The following SYNRG variants were observed in gnomAD, a reference collection of about 807,000 sequenced individuals.
SYNRG encodes AP1 gamma subunit binding protein 1.
A neutral mutation model predicts 130.9 loss-of-function variants in SYNRG; 37 were observed. The observed-to-expected ratio is 0.28, with a 90% CI of 0.22 to 0.37. The LOEUF is 0.37. Among genes scored for constraint, SYNRG ranks in the 10% least tolerant of loss-of-function variants. The probability of loss-of-function intolerance (pLI) is 1.00; values close to 1 mark genes in which losing one functional copy is unlikely to be tolerated. For synonymous variants in SYNRG, 539 were observed against 568.1 expected, an observed-to-expected ratio of 0.95 and a Z score of 0.73; for missense variants, 1,338 against 1,588.9, an observed-to-expected ratio of 0.84 and a Z score of 2.68.
At chr17:37,582,367 C>T (rs1046993989) in intron 6 of SYNRG, among the ~76,000 whole-genome samples, 14 of 152,066 alleles carry the variant, frequency 9.2e-5, no homozygotes, top group African/African-American at 2.9e-4. Flanking sequence ...CAACAATTAC[C>T]AAGGCTGGAT....
Position 37,542,125 on chromosome 17 carries a change from G to A in SYNRG, c.3049C>T (p.Pro1017Ser), listed in dbSNP as rs774020384. The A allele has an allele frequency of 3.7e-6, 6 of 1,614,086 alleles. No individual in the cohort carries two copies. Among genetic ancestry groups the A allele is most frequent in the Non-Finnish European group, 5.1e-6 (6 of 1,180,054 alleles). Residue 1017 changes from proline to serine, a missense_variant, in exon 15 of 22, where the codon CCG becomes TCG. By Grantham distance (74) the Pro-to-Ser change is moderately conservative. Coordinates refer to ENST00000612223, the MANE Select transcript of SYNRG (RefSeq NM_007247.6). The part of the protein sequence containing the change: ...PASSGASQET[P>S]NECSDDFGEF... Reference sequence around the variant, plus strand: ...CCAAAGTCATCCGAACATTCGTTCGGGGTTTCTTGAGAGGCACCACTGGAC... The same window carrying A: ...CCAAAGTCATCCGAACATTCGTTCGAGGTTTCTTGAGAGGCACCACTGGAC...
In SYNRG at chr17:37,518,293, G is replaced by A. The variant is rs578202266; in HGVS notation, c.*647C>T. ...AATGAGCATTCTTCACGGCTGCAGA[G>A]TGCCCAGGCATGTTTTGGGAAAAAG... On this transcript the variant is annotated 3_prime_UTR_variant, in exon 22 of 22. Transcript: ENST00000612223. 2 of 152,344 alleles carry A rather than the reference G, an allele frequency of 1.3e-5. No individual in the cohort carries two copies. The highest frequency in any genetic ancestry group is 4.8e-5 in the African/African-American group (2 of 41,558). 9.4% of individuals were successfully genotyped at this position (152,344 alleles called of 1,614,324 possible). A position where few individuals can be genotyped will look rare whatever the true frequency, so the allele number is the denominator to read the frequency against.
intron 6 of SYNRG, among the ~76,000 whole-genome samples, chr17:37,581,087 G>A (rs900595417): frequency 1.3e-5 from 2 of 152,096 alleles, no homozygotes; most frequent in African/African-American, 4.8e-5. Flanking sequence ...AGTAAACCCT[G>A]CCTGAAGACT....
chr17:37,561,170 T>A (rs1284756127), intron 13 of SYNRG, 25 bp downstream of exon 13: 2 of 1,587,798 alleles, frequency 1.3e-6, no homozygotes, highest in South Asian at 1.1e-5. Flanking sequence ...AAATAATTTA[T>A]CCTTTTGAGG....
At chr17:37,563,472 TCAG>T (rs1431636179) in intron 11 of SYNRG, among the ~76,000 whole-genome samples, 1 of 152,248 alleles carries the variant, frequency 6.6e-6, no homozygotes, top group African/African-American at 2.4e-5. Context: ...TATTTTGATT[TCAG>T]CAGAATAAAC....
At chr17:37,539,160 C>A (rs200100832) in intron 17 of SYNRG, 32 bp downstream of exon 17, 2 of 1,612,612 alleles carry the variant, frequency 1.2e-6, no homozygotes, top group Non-Finnish European at 1.7e-6. Flanking sequence ...AGAGCACTCA[C>A]ATATGTGTGA....
intron 13 of SYNRG, among the ~76,000 whole-genome samples, chr17:37,559,123 G>A (rs1268408848): frequency 6.6e-6 from 1 of 152,146 alleles, no homozygotes; most frequent in Non-Finnish European, 1.5e-5. Flanking sequence ...CATCCTTTGG[G>A]CTCTCTGCTG....
chr17:37,561,998 T>C (rs2059573327), intron 11 of SYNRG, among the ~76,000 whole-genome samples: 1 of 152,004 alleles, frequency 6.6e-6, no homozygotes, highest in African/African-American at 2.4e-5. Flanking sequence ...ACTCAATATT[T>C]TAAAATAAAT....
intron 5 of SYNRG, among the ~76,000 whole-genome samples, chr17:37,585,037 C>T (rs1008804028): frequency 1.2e-4 from 19 of 152,200 alleles, no homozygotes; most frequent in Non-Finnish European, 1.9e-4. Flanking sequence ...TATGAAATAT[C>T]ACTGAATTCA....
At position 37,515,266 on chromosome 17, in the gene SYNRG, A is replaced by G. The variant is rs906979066; in HGVS notation, c.*3674T>C. On this transcript the variant is annotated 3_prime_UTR_variant, in exon 22 of 22. Coordinates refer to ENST00000612223, the MANE Select transcript of SYNRG (RefSeq NM_007247.6). ...GCTTTTCAGTATTGTTATTTGGTAC[A>G]CACTTACCTGAAGAAATAAGTAAGT... The G allele has an allele frequency of 6.6e-6, 1 of 152,172 alleles. No homozygotes were observed. The highest frequency in any genetic ancestry group is 1.5e-5 in the Non-Finnish European group (1 of 68,024). The allele number at this position is 152,172 out of a possible 1,614,324, so 9.4% of individuals were successfully genotyped here. A position where few individuals can be genotyped will look rare whatever the true frequency, so the allele number is the denominator to read the frequency against.
chr17:37,537,374 T>C (rs2057296631), intron 18 of SYNRG: 1 of 152,388 alleles, frequency 6.6e-6, no homozygotes, highest in African/African-American at 2.4e-5. Context: ...ACGCCTGTGA[T>C]CCCAGCACTT....
At chr17:37,557,190 G>A (rs1399632335) in intron 13 of SYNRG, 1 of 152,008 alleles carries the variant, frequency 6.6e-6, no homozygotes, top group Non-Finnish European at 1.5e-5. Flanking sequence ...ATCTCAAAAG[G>A]GACCACTTTT....
At chr17:37,607,650 G>C (rs921770958) in intron 1 of SYNRG, among the ~76,000 whole-genome samples, 5 of 152,058 alleles carry the variant, frequency 3.3e-5, no homozygotes, top group Non-Finnish European at 7.4e-5. Context: ...TTAGCTGGGC[G>C]TGGTGGCGCA....
rs1202121072 is a variant in SYNRG, at chr17:37,514,836, A to G, written c.*4104T>C. 6.6e-6 allele frequency: 1 copy of G among 152,246 alleles called. No individual in the cohort carries two copies. The highest frequency in any genetic ancestry group is 1.5e-5 in the Non-Finnish European group (1 of 68,044). 9.4% of individuals were successfully genotyped at this position (152,246 alleles called of 1,614,324 possible). A position where few individuals can be genotyped will look rare whatever the true frequency, so the allele number is the denominator to read the frequency against. ...TCTACACTTGTATTTTGGTTAGAGA[A>G]GTTTAACAAGGGGTGATTTCAGAAC... On this transcript the variant is annotated 3_prime_UTR_variant, in exon 22 of 22. Transcript: ENST00000612223.
intron 13 of SYNRG, among the ~76,000 whole-genome samples, chr17:37,554,940 G>GTTTA (rs1355752442): frequency 2.0e-5 from 3 of 151,978 alleles, no homozygotes; most frequent in Admixed American, 6.6e-5. Context: ...TGACGGAATT[G>GTTTA]TTTATTTATT....
intron 3 of SYNRG, among the ~76,000 whole-genome samples, chr17:37,592,921 C>G (rs111752767): frequency 1.1e-3 from 167 of 152,224 alleles, no homozygotes; most frequent in Admixed American, 1.8e-3. Flanking sequence ...CAAAGGATTT[C>G]TATTATTTCT....
chr17:37,566,760 A>C (rs1466239151), intron 11 of SYNRG: 3 of 152,266 alleles, frequency 2.0e-5, no homozygotes, highest in African/African-American at 4.8e-5. Flanking sequence ...TTCTACCCCC[A>C]AATTTTAATT....
At chr17:37,576,482 G>T in intron 7 of SYNRG, 64 bp from the exon 8 acceptor site, 2 of 1,490,468 alleles carry the variant, frequency 1.3e-6, no homozygotes, top group Non-Finnish European at 1.8e-6. Context: ...ATCACACTGA[G>T]TCATGGTTTT....
intron 10 of SYNRG, 29 bp from the exon 11 acceptor site, chr17:37,568,953 T>C (rs770505080): frequency 5.7e-6 from 9 of 1,583,472 alleles, no homozygotes; most frequent in African/African-American, 5.4e-5. Flanking sequence ...TTTAAATAAA[T>C]AGCACTGACT....
Sources: allele counts gnomAD v4.1 joint callset (sites outside exome capture counted in the v4.1 genomes callset), GRCh38; gene constraint gnomAD v4.1.1; transcripts MANE v1.5; gene names NCBI Gene and HGNC (gene_info 2026-07-23, HGNC 2026-07-21).